GPD2: variants seen among roughly 807,000 people sequenced by gnomAD.
The protein encoded by GPD2 is glycerol-3-phosphate dehydrogenase, mitochondrial.
Under a neutral mutation model 82.4 loss-of-function variants are expected in GPD2, and 54 were observed. The observed-to-expected ratio is 0.66, with a 90% CI of 0.53 to 0.82. The LOEUF (loss-of-function observed/expected upper bound fraction) is 0.82. Among genes scored for constraint, GPD2 ranks in the 40% least tolerant of loss-of-function variants. The pLI, the probability that GPD2 is intolerant of heterozygous loss-of-function variation, is 0.00. For missense variants in GPD2, 748 were observed against 896.2 expected (o/e 0.83, Z 2.11); for synonymous variants, 288 against 306.1 (o/e 0.94, Z 0.62).
the GPD2 span, among the ~76,000 whole-genome samples, chr2:156,420,535 T>C: frequency 6.6e-6 from 1 of 152,192 alleles, no homozygotes; most frequent in Non-Finnish European, 1.5e-5. Context: ...TTAAATAAAG[T>C]GCCATAATTT....
At chr2:156,493,832 A>G (rs757311346) in intron 2 of GPD2, among the ~76,000 whole-genome samples, 15 of 151,986 alleles carry the variant, frequency 9.9e-5, no homozygotes, top group Non-Finnish European at 1.9e-4. Context: ...CTCAAATGAA[A>G]GACTCTCCCT....
At chr2:156,460,388 G>A (rs1682948740) in intron 1 of GPD2, among the ~76,000 whole-genome samples, 1 of 152,142 alleles carries the variant, frequency 6.6e-6, no homozygotes, top group South Asian at 2.1e-4. Context: ...CCAATAGGGG[G>A]AAAATTATGA....
rs556684706 is a variant in GPD2, at chr2:156,555,300, A to G, written c.972-2089A>G. Reference sequence around the variant, plus strand: ...AGTTACATGTGTGTTGGTAACCATCATGTTCACCTTTTAAACTACTTTATT... The same window carrying G: ...AGTTACATGTGTGTTGGTAACCATCGTGTTCACCTTTTAAACTACTTTATT... On this transcript the variant is annotated intron_variant, in intron 8 of 16. Transcript: ENST00000438166. Among the ~76,000 whole-genome samples, 4 of 152,342 alleles carry G rather than the reference A, an allele frequency of 2.6e-5. No individual in the cohort carries two copies. The South Asian group carries it at 8.3e-4, about 32-fold the overall frequency.
At chr2:156,518,877 CAG>C (rs1054695676) in intron 6 of GPD2, among the ~76,000 whole-genome samples, 19 of 152,242 alleles carry the variant, frequency 1.2e-4, no homozygotes, top group African/African-American at 4.1e-4. Flanking sequence ...GATTTACAAA[CAG>C]AATATTAATA....
intron 1 of GPD2, among the ~76,000 whole-genome samples, chr2:156,449,023 A>C (rs1682461692): frequency 1.3e-5 from 2 of 152,214 alleles, no homozygotes; most frequent in Non-Finnish European, 2.9e-5. Flanking sequence ...CTGTGGTCAC[A>C]TCATTGCATT....
At chr2:156,462,447 G>A (rs1490952084) in intron 1 of GPD2, among the ~76,000 whole-genome samples, 1 of 147,300 alleles carries the variant, frequency 6.8e-6, no homozygotes, top group African/African-American at 2.5e-5. Flanking sequence ...CACCACACCC[G>A]GATACATTTT....
At chr2:156,495,965 A>G (rs1169633764) in intron 2 of GPD2, 79 bp from the exon 3 acceptor site, 1 of 1,041,020 alleles carries the variant, frequency 9.6e-7, no homozygotes, top group African/African-American at 1.6e-5. Context: ...TCTATTAGAA[A>G]TTTCCTTTTA....
intron 1 of GPD2, among the ~76,000 whole-genome samples, chr2:156,453,432 G>A (rs553869781): frequency 6.6e-6 from 1 of 152,336 alleles, no homozygotes; most frequent in African/African-American, 2.4e-5. Context: ...ACTGAAGAAA[G>A]AGAAGGTGGT....
intron 2 of GPD2, among the ~76,000 whole-genome samples, chr2:156,494,857 A>G (rs1684312018): frequency 6.6e-6 from 1 of 152,202 alleles, no homozygotes; most frequent in Non-Finnish European, 1.5e-5. Context: ...AGCATTTTGG[A>G]AAAAAACCAA....
Position 156,583,260 on chromosome 2 carries a change from C to G in GPD2, c.*342C>G, listed in dbSNP as rs1688094485. The G allele has an allele frequency of 6.5e-6, 2 of 307,710 alleles. No individual in the cohort carries two copies. The highest frequency in any genetic ancestry group is 3.1e-5 in the South Asian group (1 of 32,682). 19.1% of individuals were successfully genotyped at this position (307,710 alleles called of 1,614,324 possible). A position where few individuals can be genotyped will look rare whatever the true frequency, so the allele number is the denominator to read the frequency against. On this transcript the variant is annotated 3_prime_UTR_variant, in exon 17 of 17. Transcript: ENST00000438166. ...GAGTTCTAAAAACATAATATTTTGG[C>G]AAAAATTGAAAAAAGCTGGAGACAT...
At chr2:156,449,856 C>CAAAAACAAAAAAAAAAAAA (rs1682491403) in intron 1 of GPD2, among the ~76,000 whole-genome samples, 1 of 83,982 alleles carries the variant, frequency 1.2e-5, no homozygotes, top group Non-Finnish European at 2.3e-5. Flanking sequence ...ACTAAATATA[C>CAAAAACAAAAAAAAAAAAA]AAAAAAAAAA....
chr2:156,526,735 G>A (rs139068761), intron 6 of GPD2, among the ~76,000 whole-genome samples: 6 of 152,124 alleles, frequency 3.9e-5, no homozygotes, highest in African/African-American at 9.6e-5. Flanking sequence ...TAATGAATTC[G>A]TCTCAGAGTG....
chr2:156,553,331 G>A (rs562294221), intron 8 of GPD2, among the ~76,000 whole-genome samples: 1 of 152,028 alleles, frequency 6.6e-6, no homozygotes, highest in Admixed American at 6.6e-5. Flanking sequence ...TTTTTTGAAT[G>A]AATCCTCCTA....
At chr2:156,515,745 A>G (rs1685175795) in intron 6 of GPD2, among the ~76,000 whole-genome samples, 1 of 152,222 alleles carries the variant, frequency 6.6e-6, no homozygotes, top group Non-Finnish European at 1.5e-5. Context: ...TCTTGAGGCA[A>G]AGGAGTAAAA....
chr2:156,468,646 G>T (rs1683223963), intron 1 of GPD2, among the ~76,000 whole-genome samples: 1 of 152,176 alleles, frequency 6.6e-6, no homozygotes. Flanking sequence ...ATTTCTCAGT[G>T]TAGGTGATTG....
chr2:156,430,075 A>G, the GPD2 span, among the ~76,000 whole-genome samples: 269 of 152,352 alleles, frequency 1.8e-3, no homozygotes, highest in Non-Finnish European at 2.5e-3. Context: ...CATGTAAACT[A>G]CCTAAACTGT....
chr2:156,437,685 C>A (rs1225914925), intron 1 of GPD2, among the ~76,000 whole-genome samples: 1 of 152,148 alleles, frequency 6.6e-6, no homozygotes, highest in African/African-American at 2.4e-5. Flanking sequence ...TGCAACTGTC[C>A]ATTCTCATAG....
chr2:156,502,023 A>G (rs1300253434), intron 3 of GPD2: 1 of 153,416 alleles, frequency 6.5e-6, no homozygotes, highest in African/African-American at 2.4e-5. Flanking sequence ...AATATGGTAA[A>G]GGCAGCATTT....
the GPD2 span, among the ~76,000 whole-genome samples, chr2:156,408,356 TAA>T: frequency 6.6e-6 from 1 of 151,992 alleles, no homozygotes; most frequent in South Asian, 2.1e-4. Flanking sequence ...TAGGAGAAAA[TAA>T]AAAAGTTTGA....
Sources: gnomAD v4.1 joint callset for allele counts (sites outside exome capture counted in the v4.1 genomes callset) on GRCh38, gnomAD v4.1.1 for gene constraint, MANE v1.5 for transcripts, NCBI Gene and HGNC (gene_info 2026-07-23, HGNC 2026-07-21) for gene names.